SMG6: variants seen among roughly 807,000 people sequenced by gnomAD.
SMG6 encodes SMG6 nonsense mediated mRNA decay factor.
A neutral mutation model predicts 142.2 loss-of-function variants in SMG6; 66 were observed. That is an observed-to-expected ratio of 0.46 (90% CI 0.38 to 0.57). The LOEUF (loss-of-function observed/expected upper bound fraction) is 0.57, where lower values mean the gene tolerates loss of function less well. Ranked by LOEUF, SMG6 falls within the 20% of genes least tolerant of loss-of-function variation. SMG6 has a pLI of 0.00. For synonymous variants in SMG6, 779 were observed against 702.4 expected (o/e 1.11, Z -1.72); for missense variants, 1,793 against 1,832.0 (o/e 0.98, Z 0.39).
At chr17:2,294,471 G>T (rs183753570) in intron 4 of SMG6, among the ~76,000 whole-genome samples, 1 of 152,024 alleles carries the variant, frequency 6.6e-6, no homozygotes, top group East Asian at 1.9e-4. Flanking sequence ...CCATATTCCC[G>T]GTCACTTTCT....
At chr17:2,144,351 G>C (rs1214907713) in intron 13 of SMG6, among the ~76,000 whole-genome samples, 1 of 152,064 alleles carries the variant, frequency 6.6e-6, no homozygotes, top group African/African-American at 2.4e-5. Context: ...ACAGGCGTGA[G>C]CCATGGCGCC....
In SMG6 at chr17:2,236,534, TA is replaced by T; in HGVS notation, c.2826del (p.Met943Ter). On this transcript the variant is annotated frameshift_variant, in exon 10 of 19. Coordinates refer to ENST00000263073, the MANE Select transcript of SMG6 (RefSeq NM_017575.5). LOFTEE classifies it high-confidence loss of function. The part of the protein sequence containing the change: ...SPIGSTRMLQ[L>X]MTINMFAVHN... ...TGTACTGCAAACATATTGATGGTCA[TA>T]AGCTGCAGCATGCGGGTACTTCCAA... 6.2e-7 allele frequency: 1 copy of T among 1,613,574 alleles called. No homozygotes were observed. Among genetic ancestry groups the T allele is most frequent in the African/African-American group, 1.3e-5 (1 of 75,010 alleles).
At chr17:2,292,693 G>A in intron 5 of SMG6, 63 bp from the exon 6 acceptor site, 3 of 1,575,624 alleles carry the variant, frequency 1.9e-6, no homozygotes, top group Non-Finnish European at 2.6e-6. Context: ...AATTCATCCT[G>A]ATAGCCCTAA....
intron 15 of SMG6, among the ~76,000 whole-genome samples, chr17:2,075,710 G>C (rs1035829871): frequency 1.3e-5 from 2 of 152,206 alleles, no homozygotes; most frequent in African/African-American, 4.8e-5. Context: ...AATGGCAATG[G>C]GAACAAAAAG....
At chr17:2,298,090 T>A in intron 2 of SMG6, 35 bp from the exon 3 acceptor site, 1 of 1,557,674 alleles carries the variant, frequency 6.4e-7, no homozygotes, top group Admixed American at 2.1e-5. Flanking sequence ...CAGCTCCAAA[T>A]ACACCACAGA....
intron 1 of SMG6, 160 bp downstream of exon 1, chr17:2,303,473 G>A (rs2075334470): frequency 1.5e-6 from 2 of 1,320,408 alleles, no homozygotes; most frequent in Non-Finnish European, 1.9e-6. Context: ...TAACCCGCGA[G>A]AGAGGTAGGG....
chr17:2,175,061 T>C (rs1186147303), intron 12 of SMG6, among the ~76,000 whole-genome samples: 2 of 152,200 alleles, frequency 1.3e-5, no homozygotes, highest in African/African-American at 4.8e-5. Context: ...AGGTTAGTGC[T>C]GCCCATGGGA....
intron 18 of SMG6, among the ~76,000 whole-genome samples, chr17:2,064,422 G>A (rs536091102): frequency 6.6e-6 from 1 of 152,266 alleles, no homozygotes; most frequent in Non-Finnish European, 1.5e-5. Flanking sequence ...TTGGCCCAAA[G>A]ATGAGATTCT....
chr17:2,270,209 A>AG (rs2074516099), intron 8 of SMG6, among the ~76,000 whole-genome samples: 1 of 152,152 alleles, frequency 6.6e-6, no homozygotes, highest in South Asian at 2.1e-4. Flanking sequence ...CAGTAGCAAT[A>AG]GGGAAAAAAA....
chr17:2,269,526 A>T (rs1171056232), intron 8 of SMG6, among the ~76,000 whole-genome samples: 1 of 152,072 alleles, frequency 6.6e-6, no homozygotes, highest in Non-Finnish European at 1.5e-5. Flanking sequence ...TCTGTGCTAC[A>T]GGCCACCTGG....
chr17:2,247,398 A>G (rs986678485), intron 8 of SMG6, among the ~76,000 whole-genome samples: 2 of 152,214 alleles, frequency 1.3e-5, no homozygotes, highest in Admixed American at 6.5e-5. Flanking sequence ...ATAGATGTCA[A>G]TCATAAATTG....
chr17:2,206,834 A>C (rs183942114), intron 10 of SMG6, among the ~76,000 whole-genome samples: 2 of 151,252 alleles, frequency 1.3e-5, no homozygotes, highest in Admixed American at 1.3e-4. Context: ...GTCACAGTGA[A>C]CTGAAACTGT....
intron 13 of SMG6, among the ~76,000 whole-genome samples, chr17:2,119,198 T>C (rs756760183): frequency 2.6e-5 from 4 of 151,570 alleles, no homozygotes; most frequent in Non-Finnish European, 5.9e-5. Context: ...GCTGGGATTA[T>C]AGGCATGTGC....
intron 13 of SMG6, among the ~76,000 whole-genome samples, chr17:2,152,931 T>C (rs1225169596): frequency 1.3e-5 from 2 of 152,154 alleles, no homozygotes; most frequent in Non-Finnish European, 1.5e-5. Flanking sequence ...ATAGCCCAAA[T>C]GTTCAACTGG....
At chr17:2,174,667 G>C (rs1023774007) in intron 12 of SMG6, among the ~76,000 whole-genome samples, 1 of 152,178 alleles carries the variant, frequency 6.6e-6, no homozygotes, top group South Asian at 2.1e-4. Flanking sequence ...AAGAATCACC[G>C]GAGGGACGAG....
chr17:2,200,673 T>G (rs138872683), intron 10 of SMG6, among the ~76,000 whole-genome samples: 108 of 152,274 alleles, frequency 7.1e-4, no homozygotes, highest in African/African-American at 2.5e-3. Context: ...GCCCTAGATA[T>G]ATACAAACAG....
intron 13 of SMG6, among the ~76,000 whole-genome samples, chr17:2,100,525 T>C (rs1253979085): frequency 3.9e-5 from 6 of 152,190 alleles, no homozygotes; most frequent in African/African-American, 1.4e-4. Context: ...GATTCCACTT[T>C]GAATTCAATG....
chr17:2,067,098 A>G (rs1392993741), intron 16 of SMG6, among the ~76,000 whole-genome samples: 1 of 152,232 alleles, frequency 6.6e-6, no homozygotes, highest in African/African-American at 2.4e-5. Context: ...AGGCAGGTCC[A>G]GAGAGGCTGG....
At position 2,285,512 on chromosome 17, in the gene SMG6, A is replaced by G. The variant is rs543384605; in HGVS notation, c.2338-1777T>C. 3.6e-4 allele frequency among the ~76,000 whole-genome samples: 55 copies of G among 152,332 alleles called. No homozygotes were observed. In the South Asian group the frequency reaches 8.7e-3, roughly 24 times the overall value. ...AAATTCAGTTACATTTCTATATACT[A>G]GCAATGAGCAATCTGAAAAAAAAGA... is the stretch of plus-strand genomic sequence containing the variant. On this transcript the variant is annotated intron_variant, in intron 6 of 18. Coordinates refer to ENST00000263073, the MANE Select transcript of SMG6 (RefSeq NM_017575.5).
Sources: allele counts gnomAD v4.1 joint callset (sites outside exome capture counted in the v4.1 genomes callset), GRCh38; gene constraint gnomAD v4.1.1; transcripts MANE v1.5; gene names NCBI Gene and HGNC (gene_info 2026-07-23, HGNC 2026-07-21).